The following TMEM132D variants were observed in gnomAD, a reference collection of about 807,000 sequenced individuals.
TMEM132D encodes the protein transmembrane protein 132D, also known as mature OL transmembrane protein.
TMEM132D carries 21 observed loss-of-function variants against 62.3 expected under a neutral mutation model. That is an observed-to-expected ratio of 0.34 (90% CI 0.24 to 0.49). The LOEUF (loss-of-function observed/expected upper bound fraction) is 0.49, where lower values mean the gene tolerates loss of function less well. TMEM132D is among the 20% of genes least tolerant of loss of function. TMEM132D has a pLI of 0.99. For missense variants in TMEM132D, 1,346 were observed against 1,402.8 expected (o/e 0.96, Z 0.65); for synonymous variants, 621 against 575.6 (o/e 1.08, Z -1.13).
intron 5 of TMEM132D, among the ~76,000 whole-genome samples, chr12:129,166,677 A>C (rs1377796377): frequency 1.6e-5 from 1 of 63,472 alleles, no homozygotes; most frequent in African/African-American, 4.7e-5. Flanking sequence ...GCAAGGACAT[A>C]TATATACACA....
At chr12:129,419,821 A>T (rs1479685999) in intron 3 of TMEM132D, among the ~76,000 whole-genome samples, 1 of 148,032 alleles carries the variant, frequency 6.8e-6, no homozygotes, top group African/African-American at 2.5e-5. Flanking sequence ...TTTGTTTTAG[A>T]TGTGGCAAGT....
intron 1 of TMEM132D, among the ~76,000 whole-genome samples, chr12:129,802,710 G>A (rs1022119567): frequency 6.0e-5 from 9 of 150,498 alleles, no homozygotes; most frequent in Admixed American, 4.0e-4. Flanking sequence ...AATGTAAATG[G>A]ACTAAATGCT....
At chr12:129,602,391 T>C (rs541315687) in intron 2 of TMEM132D, among the ~76,000 whole-genome samples, 12 of 152,278 alleles carry the variant, frequency 7.9e-5, no homozygotes, top group Middle Eastern at 3.4e-3. Context: ...GATAGAAATG[T>C]TGCCTGGAAT....
intron 3 of TMEM132D, among the ~76,000 whole-genome samples, chr12:129,486,319 A>G (rs1302371213): frequency 1.3e-5 from 2 of 152,082 alleles, no homozygotes; most frequent in African/African-American, 4.8e-5. Context: ...AAAATTTTAA[A>G]ACGCCCTCTA....
At chr12:129,609,126 G>A (rs11060463) in intron 2 of TMEM132D, among the ~76,000 whole-genome samples, 36,291 of 151,652 alleles carry the variant, frequency 0.24, 5,010 homozygotes, top group East Asian at 0.42. Context: ...TGTATTTTTA[G>A]TAGGGACGGG....
chr12:129,766,796 G>C (rs1006607965), intron 1 of TMEM132D, among the ~76,000 whole-genome samples: 2 of 152,116 alleles, frequency 1.3e-5, no homozygotes, highest in African/African-American at 4.8e-5. Flanking sequence ...CCTTTGTGAG[G>C]TAGGAGGCAG....
rs184291295 is a variant in TMEM132D at position 129,327,354 on chromosome 12, C to T, written c.1299+10280G>A. ...CATCTCAGTAAACGATGTGAATTTC[C>T]CTGATCCCCCCAGCCAAACTTTTAG... On this transcript the variant is annotated intron_variant, in intron 4 of 8. Coordinates refer to ENST00000422113, the MANE Select transcript of TMEM132D (RefSeq NM_133448.3). 9.9e-5 allele frequency among the ~76,000 whole-genome samples: 15 copies of T among 152,260 alleles called. 1 individual carries two copies. The East Asian group carries it at 2.7e-3, about 27-fold the overall frequency.
chr12:129,162,207 A>C (rs767107859), intron 5 of TMEM132D, among the ~76,000 whole-genome samples: 23 of 152,258 alleles, frequency 1.5e-4, no homozygotes, highest in Non-Finnish European at 2.9e-4. Context: ...ATGTCCTTAT[A>C]TAAAAATAAA....
chr12:129,539,012 T>TGG (rs1415875698), intron 2 of TMEM132D, among the ~76,000 whole-genome samples: 57 of 66,356 alleles, frequency 8.6e-4, no homozygotes, highest in South Asian at 1.0e-3. Flanking sequence ...AGGAGCGTCC[T>TGG]CTGCTGCAAG....
In TMEM132D at chr12:129,577,439, T is replaced by G. The variant is rs185685368; in HGVS notation, c.969-46234A>C. On this transcript the variant is annotated intron_variant, in intron 2 of 8. Coordinates refer to ENST00000422113, the MANE Select transcript of TMEM132D (RefSeq NM_133448.3). ...AATTATATAAATATATATCTATATT[T>G]ATATAAATAAAATAGAAATATTCAA... Among the ~76,000 whole-genome samples the G allele has an allele frequency of 7.1e-3, 1,058 of 148,580 alleles. 11 individuals are homozygous for G. The highest frequency in any genetic ancestry group is 0.011 in the Non-Finnish European group (717 of 67,376).
intron 1 of TMEM132D, among the ~76,000 whole-genome samples, chr12:129,864,578 C>A (rs1176739813): frequency 6.6e-6 from 1 of 152,138 alleles, no homozygotes; most frequent in Non-Finnish European, 1.5e-5. Flanking sequence ...CTGGAAGCCA[C>A]CACATAAGGA....
At chr12:129,707,319 T>C (rs568385421) in intron 1 of TMEM132D, among the ~76,000 whole-genome samples, 3 of 140,904 alleles carry the variant, frequency 2.1e-5, no homozygotes, top group African/African-American at 3.0e-5. Context: ...TTTATAGTAA[T>C]AGATTGTTAA....
intron 4 of TMEM132D, among the ~76,000 whole-genome samples, chr12:129,224,472 C>T (rs1879428974): frequency 6.6e-6 from 1 of 152,202 alleles, no homozygotes; most frequent in African/African-American, 2.4e-5. Context: ...CTTCATGTCA[C>T]CAGCAAGTAC....
At chr12:129,707,743 T>C (rs1269762379) in intron 1 of TMEM132D, among the ~76,000 whole-genome samples, 2 of 152,194 alleles carry the variant, frequency 1.3e-5, no homozygotes, top group African/African-American at 2.4e-5. Context: ...TATCAATTCA[T>C]GGTATCATTC....
chr12:129,768,919 C>T (rs767235979), intron 1 of TMEM132D, among the ~76,000 whole-genome samples: 5 of 152,186 alleles, frequency 3.3e-5, no homozygotes, highest in Admixed American at 6.5e-5. Flanking sequence ...CTGATGTTGG[C>T]AGTTCAGTTC....
At position 129,234,527 on chromosome 12, in the gene TMEM132D, G is replaced by T. The variant is rs186353477; in HGVS notation, c.1300-24864C>A. ...AAAGTGTGTGCCTTGAAAAAGCTACGTTTCTCCACATCTGATTTATAATGA... is the reference window on the plus strand; with the variant it reads ...AAAGTGTGTGCCTTGAAAAAGCTACTTTTCTCCACATCTGATTTATAATGA... On this transcript the variant is annotated intron_variant, in intron 4 of 8. Coordinates refer to ENST00000422113, the MANE Select transcript of TMEM132D (RefSeq NM_133448.3). Among the ~76,000 whole-genome samples, 122 of 152,230 alleles carry T rather than the reference G, an allele frequency of 8.0e-4. 1 individual carries two copies. Among genetic ancestry groups the T allele is most frequent in the African/African-American group, 2.9e-3 (121 of 41,530 alleles).
At chr12:129,745,093 G>A (rs1176160129) in intron 1 of TMEM132D, among the ~76,000 whole-genome samples, 1 of 152,126 alleles carries the variant, frequency 6.6e-6, no homozygotes, top group Non-Finnish European at 1.5e-5. Flanking sequence ...TTTCACTTCT[G>A]CCATGATGGT....
chr12:129,828,336 G>A (rs1234681245), intron 1 of TMEM132D, among the ~76,000 whole-genome samples: 6 of 152,090 alleles, frequency 3.9e-5, no homozygotes, highest in African/African-American at 1.2e-4. Flanking sequence ...GCCGCCTAAT[G>A]TTATATTGCA....
intron 3 of TMEM132D, among the ~76,000 whole-genome samples, chr12:129,356,656 ATAAAT>A (rs1372307699): frequency 7.0e-6 from 1 of 142,748 alleles, no homozygotes; most frequent in Non-Finnish European, 1.5e-5. Context: ...TGTCTCTACA[ATAAAT>A]AAATAAATAA....
Sources: gnomAD v4.1 joint callset for allele counts (sites outside exome capture counted in the v4.1 genomes callset) on GRCh38, gnomAD v4.1.1 for gene constraint, MANE v1.5 for transcripts, NCBI Gene and HGNC (gene_info 2026-07-23, HGNC 2026-07-21) for gene names.